The following SEMA3E variants were observed in gnomAD, a reference collection of about 807,000 sequenced individuals.
The protein encoded by SEMA3E is semaphorin-3E.
Under a neutral mutation model 93.6 loss-of-function variants are expected in SEMA3E, and 49 were observed. The ratio of observed to expected loss-of-function variants is 0.52; its 90% CI spans 0.42 to 0.66. SEMA3E has a LOEUF of 0.66. Ranked by LOEUF, SEMA3E falls within the 30% of genes least tolerant of loss-of-function variation. The pLI is 0.00. For missense variants in SEMA3E, 906 were observed against 964.8 expected (o/e 0.94, Z 0.81); for synonymous variants, 363 against 330.7 (o/e 1.10, Z -1.06).
At chr7:83,582,009 T>C (rs865989043) in intron 1 of SEMA3E, among the ~76,000 whole-genome samples, 1 of 151,972 alleles carries the variant, frequency 6.6e-6, no homozygotes, top group Non-Finnish European at 1.5e-5. Flanking sequence ...TAAAGAATAC[T>C]GAAGTGTTTA....
rs201887204 is a variant in SEMA3E at position 83,636,478 on chromosome 7, T to C, written c.115+11950A>G. Among the ~76,000 whole-genome samples the C allele has an allele frequency of 5.9e-5, 9 of 152,150 alleles. No homozygotes were observed. In the East Asian group the frequency reaches 1.3e-3, roughly 23 times the overall value. On this transcript the variant is annotated intron_variant, in intron 1 of 16. Transcript: ENST00000643230. ...TATATAGATAGAATTAAATTCTGTA[T>C]ATTAAATGCAATACATAAAGTATAT...
chr7:83,550,207 C>T (rs955770060), intron 1 of SEMA3E, among the ~76,000 whole-genome samples: 5 of 152,226 alleles, frequency 3.3e-5, no homozygotes, highest in African/African-American at 1.2e-4. Context: ...GAACGGATAA[C>T]ACCCACATTC....
chr7:83,593,531 T>C (rs1270950482), intron 1 of SEMA3E, among the ~76,000 whole-genome samples: 2 of 151,916 alleles, frequency 1.3e-5, no homozygotes, highest in Non-Finnish European at 2.9e-5. Context: ...TTAGTACCTG[T>C]GAGTAGAGGC....
chr7:83,392,942 G>A (rs1788046759), intron 13 of SEMA3E, among the ~76,000 whole-genome samples: 1 of 150,334 alleles, frequency 6.7e-6, no homozygotes, highest in Non-Finnish European at 1.5e-5. Flanking sequence ...GGTGGCGGAT[G>A]CCTGTAATCT....
At chr7:83,530,577 T>G (rs1404611786) in intron 1 of SEMA3E, among the ~76,000 whole-genome samples, 1 of 152,142 alleles carries the variant, frequency 6.6e-6, no homozygotes. Flanking sequence ...ATATTCTTTT[T>G]AAAAATATTC....
chr7:83,562,600 G>C (rs921486625), intron 1 of SEMA3E, among the ~76,000 whole-genome samples: 2 of 151,872 alleles, frequency 1.3e-5, no homozygotes, highest in African/African-American at 4.8e-5. Flanking sequence ...GGCAGACATG[G>C]ACAGTTAAAG....
intron 16 of SEMA3E, among the ~76,000 whole-genome samples, chr7:83,379,570 T>C (rs922832864): frequency 6.6e-6 from 1 of 151,910 alleles, no homozygotes; most frequent in African/African-American, 2.4e-5. Context: ...TTTCCTTAAA[T>C]ATGTGTTTTC....
intron 4 of SEMA3E, among the ~76,000 whole-genome samples, chr7:83,451,086 G>A (rs1343509875): frequency 6.6e-6 from 1 of 152,096 alleles, no homozygotes; most frequent in Non-Finnish European, 1.5e-5. Context: ...ATCATAAGGG[G>A]CTCTTCACCC....
At chr7:83,614,731 A>C (rs1793329801) in intron 1 of SEMA3E, among the ~76,000 whole-genome samples, 2 of 152,114 alleles carry the variant, frequency 1.3e-5, no homozygotes, top group Admixed American at 1.3e-4. Flanking sequence ...AGGCAGGAAA[A>C]GAAAATGTGA....
At position 83,400,173 on chromosome 7, in the gene SEMA3E, A is replaced by G. The variant is rs1435041618; in HGVS notation, c.1221T>C (p.Ser407=). Residue 407 remains serine (S), a synonymous_variant, in exon 11 of 17, where the codon AGT becomes AGC. Coordinates refer to ENST00000643230, the MANE Select transcript of SEMA3E (RefSeq NM_012431.3). ...TTATGGCCTGGTACATTAGTGGATG[A>G]CTTCTTGCAAATCGGATGGCATCAT... is the stretch of plus-strand genomic sequence containing the variant. ...YPDDAIRFAR[S]HPLMYQAIKP... is the part of the protein sequence containing the mutation. The G allele has an allele frequency of 9.3e-6, 15 of 1,613,836 alleles. No homozygotes were observed. Among genetic ancestry groups the G allele is most frequent in the East Asian group, 2.2e-5 (1 of 44,830 alleles).
chr7:83,396,319 T>C (rs918411828), intron 12 of SEMA3E, among the ~76,000 whole-genome samples: 3 of 152,122 alleles, frequency 2.0e-5, no homozygotes, highest in African/African-American at 7.2e-5. Flanking sequence ...TTTTTTTTTG[T>C]CAGTATTGAT....
intron 1 of SEMA3E, among the ~76,000 whole-genome samples, chr7:83,646,670 G>A (rs985341271): frequency 1.3e-5 from 2 of 151,908 alleles, no homozygotes; most frequent in Non-Finnish European, 2.9e-5. Flanking sequence ...CATAACATCA[G>A]TTACAATTAT....
chr7:83,597,634 T>C (rs3823905), intron 1 of SEMA3E, among the ~76,000 whole-genome samples: 40,783 of 152,106 alleles, frequency 0.27, 5,899 homozygotes, highest in Middle Eastern at 0.37. Context: ...CTACATTTTA[T>C]TGGACTTATA....
At chr7:83,465,467 C>T (rs1289042601) in intron 4 of SEMA3E, among the ~76,000 whole-genome samples, 1 of 152,168 alleles carries the variant, frequency 6.6e-6, no homozygotes, top group Non-Finnish European at 1.5e-5. Flanking sequence ...AGCTATTAAG[C>T]ACTTCAAATA....
At chr7:83,543,014 C>A (rs558250795) in intron 1 of SEMA3E, among the ~76,000 whole-genome samples, 5 of 152,118 alleles carry the variant, frequency 3.3e-5, no homozygotes, top group South Asian at 4.1e-4. Context: ...GTTTACTAGT[C>A]TTAAGGCTTT....
intron 1 of SEMA3E, among the ~76,000 whole-genome samples, chr7:83,626,871 C>T (rs1373654212): frequency 6.6e-6 from 1 of 152,132 alleles, no homozygotes; most frequent in Non-Finnish European, 1.5e-5. Context: ...CTAAACACTG[C>T]TTTAGCTGTG....
chr7:83,450,742 A>C (rs1789342633), intron 4 of SEMA3E, among the ~76,000 whole-genome samples: 1 of 152,136 alleles, frequency 6.6e-6, no homozygotes, highest in Admixed American at 6.5e-5. Context: ...TATTCATTTT[A>C]TAAGTTAACA....
intron 15 of SEMA3E, among the ~76,000 whole-genome samples, chr7:83,386,438 T>G (rs1787884510): frequency 1.3e-5 from 2 of 152,154 alleles, no homozygotes; most frequent in African/African-American, 4.8e-5. Flanking sequence ...TCCTTACTTT[T>G]GCCTAAAGAT....
At chr7:83,438,993 C>G (rs1166258312) in intron 4 of SEMA3E, among the ~76,000 whole-genome samples, 1 of 152,106 alleles carries the variant, frequency 6.6e-6, no homozygotes, top group Non-Finnish European at 1.5e-5. Flanking sequence ...TTATTCTGAC[C>G]ACATAGAATG....
Sources: allele counts gnomAD v4.1 joint callset (sites outside exome capture counted in the v4.1 genomes callset), GRCh38; gene constraint gnomAD v4.1.1; transcripts MANE v1.5; gene names NCBI Gene and HGNC (gene_info 2026-07-23, HGNC 2026-07-21).